Variants in DNAH2 observed in about 807,000 individuals in gnomAD.
The protein encoded by DNAH2 is axonemal beta dynein heavy chain 2.
Under a neutral mutation model 523.5 loss-of-function variants are expected in DNAH2, and 323 were observed. The ratio of observed to expected loss-of-function variants is 0.62; its 90% CI spans 0.56 to 0.68. The LOEUF is 0.68. DNAH2 is among the 30% of genes least tolerant of loss of function. The probability of loss-of-function intolerance (pLI) is 0.00; values close to 1 mark genes in which losing one functional copy is unlikely to be tolerated. For missense variants in DNAH2, 4,907 were observed against 5,701.5 expected (o/e 0.86, Z 4.49); for synonymous variants, 2,093 against 2,177.4 (o/e 0.96, Z 1.08).
rs891509066 is a variant in DNAH2 at position 7,760,486 on chromosome 17, T to TTGGGAC, written c.2786-238_2786-233dup. Reference sequence around the variant, plus strand: ...GGATGGGAGATGAGGAAAGACAAGCTTGGGACTGGGACTGGGACTGGCCTG... The same window carrying TTGGGAC: ...GGATGGGAGATGAGGAAAGACAAGCTTGGGACTGGGACTGGGACTGGGACTGGCCTG... On this transcript the variant is annotated intron_variant, in intron 17 of 85. Transcript: ENST00000572933. This position sits in a 1 kb window ranked among gnomAD's most constrained non-coding sequence, Gnocchi z 4.0. Among the ~76,000 whole-genome samples the TTGGGAC allele has an allele frequency of 1.1e-4, 17 of 152,032 alleles. No homozygotes were observed. The highest frequency in any genetic ancestry group is 2.7e-4 in the African/African-American group (11 of 41,372).
At chr17:7,779,219 G>A in intron 35 of DNAH2, 24 bp from the exon 36 acceptor site, 1 of 1,609,020 alleles carries the variant, frequency 6.2e-7, no homozygotes, top group Non-Finnish European at 8.5e-7. Context: ...CTCGCTCCCA[G>A]TGACTCTGCC....
At chr17:7,726,493 A>C (rs549220906) in intron 3 of DNAH2, among the ~76,000 whole-genome samples, 17 of 145,178 alleles carry the variant, frequency 1.2e-4, no homozygotes, top group Non-Finnish European at 2.0e-4. Context: ...AGTAGAGACA[A>C]GGTTTCTCCA....
chr17:7,792,466 G>T, intron 46 of DNAH2, 123 bp downstream of exon 46: 1 of 1,134,612 alleles, frequency 8.8e-7, no homozygotes. Flanking sequence ...CCCAGAGAAG[G>T]GCTGCCTCTT....
intron 77 of DNAH2, among the ~76,000 whole-genome samples, chr17:7,826,614 A>C (rs1440057747): frequency 7.4e-6 from 1 of 135,258 alleles, no homozygotes; most frequent in African/African-American, 2.8e-5. Context: ...ATCTCGGCTC[A>C]CTGAAACATC....
chr17:7,801,097 AC>A lies in DNAH2; in HGVS notation c.8700-480del, dbSNP rs919106698. On this transcript the variant is annotated intron_variant, in intron 56 of 85. Coordinates refer to ENST00000572933, the MANE Select transcript of DNAH2 (RefSeq NM_020877.5). ...CATGTTGCCTAGGATGGTTTCGAAC[AC>A]GTGGGCTCAAGGAAGCCACCTGCCT... Among the ~76,000 whole-genome samples the A allele has an allele frequency of 6.2e-4, 94 of 151,938 alleles. 1 individual carries two copies. Among genetic ancestry groups the A allele is most frequent in the African/African-American group, 2.2e-3 (92 of 41,476 alleles).
rs2077848147 is a variant in DNAH2, at chr17:7,821,322, G to A, written c.11095G>A (p.Gly3699Ser). 6.2e-7 allele frequency: 1 copy of A among 1,613,840 alleles called. No individual in the cohort carries two copies. The highest frequency in any genetic ancestry group is 1.1e-5 in the South Asian group (1 of 91,012). Residue 3699 changes from glycine to serine, a missense_variant, in exon 73 of 86, where the codon GGC becomes AGC. This residue lies in a region of DNAH2 where 1,851 missense variants were observed against 2,139.4 expected (regional missense o/e 0.87). Transcript: ENST00000572933. The surrounding 1 kb of genome is among the most constrained non-coding windows in gnomAD (Gnocchi z 5.0). ...HMCAKILETSGKLNMDEYNFF... is the reference protein window; with the variant it reads ...HMCAKILETSSKLNMDEYNFF... Reference sequence around the variant, plus strand: ...GTGTGCCAAAATCTTGGAGACTTCTGGCAAGCTCAACATGGATGAATACAA... The same window carrying A: ...GTGTGCCAAAATCTTGGAGACTTCTAGCAAGCTCAACATGGATGAATACAA...
chr17:7,827,314 A>ACTTT (rs58353203), intron 77 of DNAH2, among the ~76,000 whole-genome samples: 64,434 of 151,580 alleles, frequency 0.43, 14,948 homozygotes, highest in East Asian at 0.84. Context: ...ATCCTTGCTT[A>ACTTT]AAGATTGTAA....
chr17:7,723,290 T>TTTTA (rs2074688381), intron 2 of DNAH2, among the ~76,000 whole-genome samples: 2 of 114,762 alleles, frequency 1.7e-5, no homozygotes, highest in Non-Finnish European at 3.5e-5. Flanking sequence ...TTTTTTTTTT[T>TTTTA]GAGACAGGGT....
At chr17:7,719,586 G>A in intron 1 of DNAH2, 135 bp from the exon 2 acceptor site, 2 of 1,126,886 alleles carry the variant, frequency 1.8e-6, no homozygotes, top group Admixed American at 2.0e-5. Flanking sequence ...AATGGAGCAG[G>A]GTGTGGGTAC....
chr17:7,798,244 G>T lies in DNAH2; in HGVS notation c.8318G>T (p.Arg2773Leu). The T allele has an allele frequency of 1.9e-6, 3 of 1,613,930 alleles. No homozygotes were observed. The highest frequency in any genetic ancestry group is 2.5e-6 in the Non-Finnish European group (3 of 1,179,858). ...GGCAGCGGACGCCAGAGTCTGGCCC[G>T]CCTGGCTTCATCCATCTGCGACTAC... ...IGGSGRQSLA[R>L]LASSICDYTT... Residue 2773 changes from arginine to leucine, a missense_variant, in exon 54 of 86, where the codon CGC (arginine) becomes CTC (leucine). Around this residue, in one of 3 missense-constraint regions of DNAH2, gnomAD observed 1,851 missense variants for 2,139.4 expected, o/e 0.87. Transcript: ENST00000572933. This position sits in a 1 kb window ranked among gnomAD's most constrained non-coding sequence, Gnocchi z 5.5.
At chr17:7,805,225 C>A in intron 60 of DNAH2, 27 bp from the exon 61 acceptor site, 6 of 1,613,348 alleles carry the variant, frequency 3.7e-6, no homozygotes, top group Non-Finnish European at 4.2e-6. Context: ...TCCTGTCTTA[C>A]CCTCACTTTA....
At position 7,824,606 on chromosome 17, in the gene DNAH2, A is replaced by G. The variant is rs2077967993; in HGVS notation, c.11732A>G (p.Glu3911Gly). The G allele has an allele frequency of 6.2e-7, 1 of 1,607,014 alleles. No homozygotes were observed. Among genetic ancestry groups the G allele is most frequent in the Admixed American group, 1.7e-5 (1 of 59,660 alleles). The change falls in exon 77 of 86, where the codon GAG becomes GGG. Residue 3911 changes from glutamate (E) to glycine (G), a missense_variant. By Grantham distance (98) the Glu-to-Gly change is moderately conservative. Transcript: ENST00000572933. Reference sequence around the variant, plus strand: ...ATGCCTAATCTGGACAAGCTGGTGGAGCAGCTGCAGGTGGAGGATCCTCAT... The same window carrying G: ...ATGCCTAATCTGGACAAGCTGGTGGGGCAGCTGCAGGTGGAGGATCCTCAT... ...SWMPNLDKLV[E>G]QLQVEDPHPS...
Position 7,798,369 on chromosome 17 carries a change from A to C in DNAH2, c.8398+45A>C, listed in dbSNP as rs756595163. On this transcript the variant is annotated intron_variant, in intron 54 of 85. Transcript: ENST00000572933. This position sits in a 1 kb window ranked among gnomAD's most constrained non-coding sequence, Gnocchi z 5.5. ...ATGCTAGGAATAAAAGATCAGATGC[A>C]TACATTCCTGCAGTGACAAGAGAGG... 1.3e-6 allele frequency: 2 copies of C among 1,578,114 alleles called. No homozygotes were observed. Among genetic ancestry groups the C allele is most frequent in the Non-Finnish European group, 1.7e-6 (2 of 1,160,144 alleles).
At position 7,818,978 on chromosome 17, in the gene DNAH2, A is replaced by G. The variant is rs2077770930; in HGVS notation, c.10730A>G (p.His3577Arg). The G allele has an allele frequency of 6.2e-7, 1 of 1,611,950 alleles. No individual in the cohort carries two copies. The highest frequency in any genetic ancestry group is 8.5e-7 in the Non-Finnish European group (1 of 1,179,966). Residue 3577 changes from histidine to arginine, a missense_variant, in exon 71 of 86, where the codon CAT (histidine) becomes CGT (arginine). Coordinates refer to ENST00000572933, the MANE Select transcript of DNAH2 (RefSeq NM_020877.5). ...GATGTGCAGCTGGTGAACACGCTGC[A>G]TACCTCCAAGATCACAGCCACAGAG... is the stretch of plus-strand genomic sequence containing the variant. Reference protein sequence around the residue: ...LDDVQLVNTLHTSKITATEVT... With the variant: ...LDDVQLVNTLRTSKITATEVT...
chr17:7,770,814 G>A lies in DNAH2; in HGVS notation c.4243G>A (p.Ala1415Thr), dbSNP rs149418354. 6.2e-7 allele frequency: 1 copy of A among 1,614,166 alleles called. No homozygotes were observed. Among genetic ancestry groups the A allele is most frequent in the East Asian group, 2.2e-5 (1 of 44,878 alleles). Residue 1415 changes from alanine (A) to threonine (T), a missense_variant, in exon 27 of 86, where the codon GCA becomes ACA. Ala to Thr is a moderately conservative substitution (Grantham distance 58, BLOSUM62 0). Transcript: ENST00000572933. ...CCAGGTAGCTCTGTCTACCATGAAG[G>A]CATCACGCTTTGTCAAGGCCTTTGA... is the stretch of plus-strand genomic sequence containing the variant. ...DNQVALSTMKASRFVKAFEKD... is the reference protein window; with the variant it reads ...DNQVALSTMKTSRFVKAFEKD...
intron 42 of DNAH2, 105 bp from the exon 43 acceptor site, chr17:7,787,753 AAG>A: frequency 7.3e-7 from 1 of 1,372,796 alleles, no homozygotes; most frequent in Non-Finnish European, 9.7e-7. Context: ...AAAAAAAAAA[AAG>A]CAAATCGTTT....
Position 7,781,178 on chromosome 17 carries a change from CT to C in DNAH2, c.6129+13del. 1 of 1,614,084 alleles carries C rather than the reference CT, an allele frequency of 6.2e-7. No homozygotes were observed. Among genetic ancestry groups the C allele is most frequent in the East Asian group, 2.2e-5 (1 of 44,880 alleles). ...ATTGACTATGGCAAGGTATTTGTTC[CT>C]TAATACTCTCCCTGACCGGGTGCTG... On this transcript the variant is annotated intron_variant, in intron 39 of 85. Coordinates refer to ENST00000572933, the MANE Select transcript of DNAH2 (RefSeq NM_020877.5).
At chr17:7,794,203 T>G in intron 48 of DNAH2, 51 bp from the exon 49 acceptor site, 1 of 1,432,088 alleles carries the variant, frequency 7.0e-7, no homozygotes, top group Non-Finnish European at 9.5e-7. Flanking sequence ...TCGGCGCCTC[T>G]CTTGCCCTCT....
intron 12 of DNAH2, among the ~76,000 whole-genome samples, chr17:7,744,167 G>C (rs2075444094): frequency 6.6e-6 from 1 of 152,060 alleles, no homozygotes; most frequent in Admixed American, 6.6e-5. Context: ...TGTGGCAGGT[G>C]CCTATAATCC....
Sources: gnomAD v4.1 joint callset for allele counts (sites outside exome capture counted in the v4.1 genomes callset) on GRCh38, gnomAD v4.1.1 for gene constraint, gnomAD v4.1.1 regional missense constraint, Gnocchi (gnomAD v3.1) non-coding constraint, MANE v1.5 for transcripts, NCBI Gene and HGNC (gene_info 2026-07-23, HGNC 2026-07-21) for gene names.